Variants in HDAC9 observed in about 807,000 individuals in gnomAD.
The protein encoded by HDAC9 is histone deacetylase 9.
A neutral mutation model predicts 139.4 loss-of-function variants in HDAC9; 41 were observed. The ratio of observed to expected loss-of-function variants is 0.29; its 90% confidence interval spans 0.23 to 0.38. HDAC9 has a LOEUF of 0.38. Among genes scored for constraint, HDAC9 ranks in the 10% least tolerant of loss-of-function variants. The pLI is 1.00. For synonymous variants in HDAC9, 517 were observed against 476.2 expected (o/e 1.09, Z -1.12); for missense variants, 1,147 against 1,297.0 (o/e 0.88, Z 1.78).
intron 1 of HDAC9, among the ~76,000 whole-genome samples, chr7:18,369,179 G>T (rs1784407219): frequency 6.6e-6 from 1 of 151,522 alleles, no homozygotes; most frequent in Non-Finnish European, 1.5e-5. Context: ...CTATTTTTTT[G>T]AATTAGAAAT....
rs1319584210 is a variant in HDAC9 at position 18,590,391 on chromosome 7, A to G, written c.320A>G (p.Gln107Arg). 10 of 1,611,296 alleles carry G rather than the reference A, an allele frequency of 6.2e-6. No individual in the cohort carries two copies. The highest frequency in any genetic ancestry group is 8.5e-6 in the Non-Finnish European group (10 of 1,178,698). Residue 107 changes from glutamine to arginine, a missense_variant, in exon 4 of 26, where the codon CAG (glutamine) becomes CGG (arginine). Around this residue, in one of 7 missense-constraint regions of HDAC9, gnomAD observed 136 missense variants for 183.5 expected, o/e 0.74. Transcript: ENST00000686413. ...KQQQELLEKEQKLEQQRQEQE... is the reference protein window; with the variant it reads ...KQQQELLEKERKLEQQRQEQE... ...CAACAAGAACTCCTAGAAAAGGAGC[A>G]GAAACTGGAGCAGCAGAGGCAAGAA...
intron 22 of HDAC9, among the ~76,000 whole-genome samples, chr7:18,895,691 A>C (rs1801130357): frequency 6.6e-6 from 1 of 152,124 alleles, no homozygotes; most frequent in Non-Finnish European, 1.5e-5. Context: ...TTTAAAAATA[A>C]AAAACAGCAG....
chr7:18,218,898 A>G (rs1343277276), intron 2 of HDAC9, among the ~76,000 whole-genome samples: 2 of 152,152 alleles, frequency 1.3e-5, no homozygotes, highest in Non-Finnish European at 2.9e-5. Context: ...ATCTCCTGCC[A>G]TTTACCTAAA....
intron 2 of HDAC9, among the ~76,000 whole-genome samples, chr7:18,223,731 C>G (rs949775391): frequency 2.6e-5 from 4 of 152,008 alleles, no homozygotes; most frequent in Non-Finnish European, 4.4e-5. Context: ...GCACATGTGT[C>G]TACATGTTTC....
At chr7:18,382,763 A>G (rs748126072) in intron 1 of HDAC9, among the ~76,000 whole-genome samples, 14 of 152,282 alleles carry the variant, frequency 9.2e-5, no homozygotes, top group Non-Finnish European at 1.6e-4. Context: ...TAATAATTTT[A>G]AAGTAATTAT....
intron 17 of HDAC9, among the ~76,000 whole-genome samples, chr7:18,828,497 C>G (rs1483352113): frequency 6.6e-6 from 1 of 152,162 alleles, no homozygotes; most frequent in Non-Finnish European, 1.5e-5. Context: ...TGCTTCTCAG[C>G]CCTGGAATTC....
At chr7:18,487,278 A>T (rs1025595162) in intron 1 of HDAC9, among the ~76,000 whole-genome samples, 5 of 152,092 alleles carry the variant, frequency 3.3e-5, no homozygotes, top group Non-Finnish European at 7.4e-5. Flanking sequence ...ACAAAGAAGG[A>T]CATTATATAC....
At chr7:18,253,171 G>T (rs1286979859) in intron 2 of HDAC9, among the ~76,000 whole-genome samples, 4 of 152,172 alleles carry the variant, frequency 2.6e-5, no homozygotes, top group African/African-American at 9.7e-5. Context: ...CATTTAGGTT[G>T]ATCCTGTGTC....
At chr7:18,695,918 T>A (rs1016038860) in intron 12 of HDAC9, among the ~76,000 whole-genome samples, 4 of 152,210 alleles carry the variant, frequency 2.6e-5, no homozygotes, top group Admixed American at 2.6e-4. Flanking sequence ...CTGGCTAGTA[T>A]TTTGAATATA....
At chr7:18,314,414 C>T (rs1362487910) in intron 1 of HDAC9, among the ~76,000 whole-genome samples, 7 of 152,196 alleles carry the variant, frequency 4.6e-5, no homozygotes, top group African/African-American at 1.4e-4. Flanking sequence ...ATAAATTAGA[C>T]TGGACTTGCA....
chr7:18,900,643 C>T (rs866871360), intron 22 of HDAC9, among the ~76,000 whole-genome samples: 1 of 152,156 alleles, frequency 6.6e-6, no homozygotes, highest in Non-Finnish European at 1.5e-5. Flanking sequence ...AGCAGGGAGC[C>T]ACAAACTTTA....
intron 1 of HDAC9, among the ~76,000 whole-genome samples, chr7:18,361,612 A>G (rs1022459888): frequency 6.6e-6 from 1 of 152,174 alleles, no homozygotes; most frequent in African/African-American, 2.4e-5. Context: ...CTCTTTCTTT[A>G]GAAACATTTT....
intron 2 of HDAC9, among the ~76,000 whole-genome samples, chr7:18,547,859 C>CCTTCCTTCCTT (rs1563230176): frequency 8.4e-6 from 1 of 119,710 alleles, no homozygotes; most frequent in Non-Finnish European, 1.8e-5. Context: ...TTCCTTCCTA[C>CCTTCCTTCCTT]CCTCCCTCCC....
intron 14 of HDAC9, among the ~76,000 whole-genome samples, chr7:18,751,546 T>A (rs140093430): frequency 6.6e-6 from 1 of 152,000 alleles, no homozygotes; most frequent in South Asian, 2.1e-4. Context: ...AAGAAAGTAT[T>A]GCCCATATAA....
intron 6 of HDAC9, among the ~76,000 whole-genome samples, chr7:18,607,428 G>A (rs773610711): frequency 1.3e-5 from 2 of 152,320 alleles, no homozygotes; most frequent in African/African-American, 4.8e-5. Context: ...ATTTCTCTGA[G>A]CCTCAGTTTC....
intron 21 of HDAC9, among the ~76,000 whole-genome samples, chr7:18,850,224 A>AGGTT (rs1797188858): frequency 2.6e-5 from 4 of 152,202 alleles, no homozygotes; most frequent in African/African-American, 9.6e-5. Flanking sequence ...GAGAAAAAAT[A>AGGTT]CTTTCCTTGA....
intron 12 of HDAC9, among the ~76,000 whole-genome samples, chr7:18,696,070 T>C (rs1378729940): frequency 6.6e-6 from 1 of 152,092 alleles, no homozygotes; most frequent in Non-Finnish European, 1.5e-5. Context: ...GTATGAAACA[T>C]GGTTAAAATG....
At chr7:18,174,560 G>C (rs1788725781) in intron 2 of HDAC9, among the ~76,000 whole-genome samples, 1 of 152,182 alleles carries the variant, frequency 6.6e-6, no homozygotes, top group Admixed American at 6.5e-5. Context: ...CAACTTTTCT[G>C]CTCTGGTTTC....
At chr7:18,741,731 T>C (rs901090664) in intron 13 of HDAC9, among the ~76,000 whole-genome samples, 2 of 152,214 alleles carry the variant, frequency 1.3e-5, no homozygotes, top group Middle Eastern at 3.2e-3. Context: ...GCAATGTACA[T>C]TGAAACCTTC....
Sources: allele counts gnomAD v4.1 joint callset (sites outside exome capture counted in the v4.1 genomes callset), GRCh38; gene constraint gnomAD v4.1.1; regional missense constraint gnomAD v4.1.1; transcripts MANE v1.5; gene names NCBI Gene and HGNC (gene_info 2026-07-23, HGNC 2026-07-21).